ITGAV: variants seen among roughly 807,000 people sequenced by gnomAD.
ITGAV encodes the protein integrin subunit alpha V.
In ITGAV, 76 loss-of-function variants were observed where a neutral mutation model predicts 143.8. That is an observed-to-expected ratio of 0.53 (90% confidence interval 0.44 to 0.64). The LOEUF (loss-of-function observed/expected upper bound fraction) is 0.64. Among genes scored for constraint, ITGAV ranks in the 30% least tolerant of loss-of-function variants. The pLI is 0.00. For missense variants in ITGAV, 1,193 were observed against 1,274.7 expected, an observed-to-expected ratio of 0.94 and a Z score of 0.98; for synonymous variants, 453 against 446.7, an observed-to-expected ratio of 1.01 and a Z score of -0.18.
chr2:186,658,675 A>C (rs1025106594), intron 17 of ITGAV, among the ~76,000 whole-genome samples: 1 of 152,060 alleles, frequency 6.6e-6, no homozygotes, highest in African/African-American at 2.4e-5. Flanking sequence ...ACTACATGTA[A>C]TCCTATTGAG....
intron 16 of ITGAV, among the ~76,000 whole-genome samples, chr2:186,655,666 G>A (rs1480933379): frequency 6.6e-6 from 1 of 152,228 alleles, no homozygotes; most frequent in Non-Finnish European, 1.5e-5. Flanking sequence ...TTACAAGGCA[G>A]TAATCCTAAT....
At chr2:186,611,915 T>TA (rs1052856944) in intron 2 of ITGAV, among the ~76,000 whole-genome samples, 57 of 152,152 alleles carry the variant, frequency 3.7e-4, no homozygotes, top group Middle Eastern at 3.4e-3. Context: ...TGATTTTTTT[T>TA]AAAAAAGGTA....
At chr2:186,633,517 CA>C in intron 6 of ITGAV, 143 bp downstream of exon 6, 1 of 313,808 alleles carries the variant, frequency 3.2e-6, no homozygotes, top group Non-Finnish European at 5.9e-6. Flanking sequence ...CCATTTTACA[CA>C]GTGTTTTTTA....
chr2:186,616,229 A>T (rs937068257), intron 2 of ITGAV, among the ~76,000 whole-genome samples: 1 of 151,300 alleles, frequency 6.6e-6, no homozygotes, highest in African/African-American at 2.4e-5. Flanking sequence ...TTTTAGGCAT[A>T]CTAATATCTG....
At chr2:186,628,176 T>C (rs1458853626) in intron 4 of ITGAV, among the ~76,000 whole-genome samples, 4 of 152,184 alleles carry the variant, frequency 2.6e-5, no homozygotes, top group Non-Finnish European at 5.9e-5. Context: ...TTTATCTGTT[T>C]CATACTTCAA....
At chr2:186,671,983 G>A (rs142693104) in intron 26 of ITGAV, among the ~76,000 whole-genome samples, 210 of 125,142 alleles carry the variant, frequency 1.7e-3, no homozygotes, top group African/African-American at 5.5e-3. Flanking sequence ...ACAGAGTCTC[G>A]CTCTGTCACC....
At chr2:186,648,474 C>CT (rs928564109) in intron 13 of ITGAV, among the ~76,000 whole-genome samples, 18 of 151,954 alleles carry the variant, frequency 1.2e-4, no homozygotes, top group Middle Eastern at 3.4e-3. Context: ...GAGTTTGATT[C>CT]TTTTTTTTGA....
At chr2:186,594,782 C>T (rs1308899719) in intron 1 of ITGAV, among the ~76,000 whole-genome samples, 1 of 152,166 alleles carries the variant, frequency 6.6e-6, no homozygotes, top group Non-Finnish European at 1.5e-5. Context: ...TTTCACAACA[C>T]TTTACAAAAT....
chr2:186,615,800 G>T (rs1687338931), intron 2 of ITGAV, among the ~76,000 whole-genome samples: 2 of 151,976 alleles, frequency 1.3e-5, no homozygotes, highest in African/African-American at 2.4e-5. Flanking sequence ...TAGCACAAAA[G>T]TTTTTAATTT....
intron 2 of ITGAV, among the ~76,000 whole-genome samples, chr2:186,609,144 G>C (rs1574464761): frequency 6.6e-6 from 1 of 152,104 alleles, no homozygotes. Flanking sequence ...AGGATTAAAA[G>C]GGTGCCTTTT....
intron 12 of ITGAV, among the ~76,000 whole-genome samples, chr2:186,642,041 C>G (rs1451524942): frequency 1.3e-5 from 2 of 152,008 alleles, no homozygotes; most frequent in Admixed American, 1.3e-4. Context: ...AAAGCCATAA[C>G]TTTGTTGTAG....
chr2:186,658,698 G>A (rs1254264418), intron 17 of ITGAV, among the ~76,000 whole-genome samples: 2 of 152,048 alleles, frequency 1.3e-5, no homozygotes, highest in Non-Finnish European at 2.9e-5. Flanking sequence ...GGAATGCAGA[G>A]GGAGGAAGAG....
intron 18 of ITGAV, 58 bp downstream of exon 18, chr2:186,659,233 A>T: frequency 8.5e-7 from 1 of 1,177,818 alleles, no homozygotes. Flanking sequence ...TACAATTCAT[A>T]TTTTTAAATA....
intron 2 of ITGAV, among the ~76,000 whole-genome samples, chr2:186,621,114 G>A (rs1468718068): frequency 2.0e-5 from 3 of 152,108 alleles, no homozygotes; most frequent in Non-Finnish European, 4.4e-5. Flanking sequence ...TATAATTAGA[G>A]TAAATACAAT....
rs577958851 is a variant in ITGAV, at chr2:186,625,738, CCTA to C, written c.523+155_523+157del. ...ATGATGATAACAAAATGAAAACAAT[CCTA>C]CTAATGTAAAGATATTACAAATGTG... On this transcript the variant is annotated intron_variant, in intron 4 of 29. Coordinates refer to ENST00000261023, the MANE Select transcript of ITGAV (RefSeq NM_002210.5). 2.5e-3 allele frequency: 1,163 copies of C among 460,876 alleles called. 2 individuals are homozygous for C. Among genetic ancestry groups the C allele is most frequent in the Non-Finnish European group, 3.7e-3 (964 of 260,648 alleles). 28.5% of individuals were successfully genotyped at this position (460,876 alleles called of 1,614,324 possible).
chr2:186,629,226 A>G (rs1381692611), intron 4 of ITGAV, among the ~76,000 whole-genome samples: 1 of 152,088 alleles, frequency 6.6e-6, no homozygotes, highest in Non-Finnish European at 1.5e-5. Flanking sequence ...TTCAACATGA[A>G]GTCTTTAAAT....
At chr2:186,630,944 C>A in intron 5 of ITGAV, 86 bp downstream of exon 5, 1 of 655,934 alleles carries the variant, frequency 1.5e-6, no homozygotes, top group Non-Finnish European at 2.8e-6. Flanking sequence ...AATACCTCAA[C>A]TCCTTTACAG....
intron 5 of ITGAV, among the ~76,000 whole-genome samples, chr2:186,631,976 A>G (rs768481895): frequency 2.6e-5 from 4 of 152,160 alleles, no homozygotes; most frequent in South Asian, 2.1e-4. Context: ...GCATTGAGCC[A>G]TGTTCATGCC....
At chr2:186,649,749 C>A in intron 13 of ITGAV, 91 bp from the exon 14 acceptor site, 1 of 861,372 alleles carries the variant, frequency 1.2e-6, no homozygotes, top group Non-Finnish European at 1.7e-6. Flanking sequence ...TTTGTTCAAA[C>A]CTTTTTATAT....
Sources: allele counts gnomAD v4.1 joint callset (sites outside exome capture counted in the v4.1 genomes callset), GRCh38; gene constraint gnomAD v4.1.1; transcripts MANE v1.5; gene names NCBI Gene and HGNC (gene_info 2026-07-23, HGNC 2026-07-21).